Variants in ABCA12 observed in about 807,000 individuals in gnomAD.
The protein encoded by ABCA12 is glucosylceramide transporter ABCA12.
In ABCA12, 156 loss-of-function variants were observed where a neutral mutation model predicts 293.5. The ratio of observed to expected loss-of-function variants is 0.53; its 90% CI spans 0.47 to 0.61. The LOEUF (loss-of-function observed/expected upper bound fraction) is 0.61, where lower values mean the gene tolerates loss of function less well. Among genes scored for constraint, ABCA12 ranks in the 20% least tolerant of loss-of-function variants. The pLI, the probability that ABCA12 is intolerant of heterozygous loss-of-function variation, is 0.00. For missense variants in ABCA12, 2,797 were observed against 3,090.2 expected (o/e 0.91, Z 2.25); for synonymous variants, 1,063 against 1,108.0 (o/e 0.96, Z 0.81).
Position 214,955,542 on chromosome 2 carries a change from G to A in ABCA12, c.6234-181C>T, listed in dbSNP as rs564523907. On this transcript the variant is annotated intron_variant, in intron 42 of 52. Transcript: ENST00000272895. ...ACAGAAAAATATGAAAATCAGCCAG[G>A]TGCGGTGGCACGCACCTGTAGCCCT... Among the ~76,000 whole-genome samples, 74 of 152,316 alleles carry A rather than the reference G, an allele frequency of 4.9e-4. 1 individual carries two copies. The South Asian group carries it at 0.014, about 29-fold the overall frequency.
At chr2:215,071,935 T>TA (rs1428656271) in intron 2 of ABCA12, among the ~76,000 whole-genome samples, 1 of 152,220 alleles carries the variant, frequency 6.6e-6, no homozygotes, top group Admixed American at 6.5e-5. Flanking sequence ...GTGTTTAAAT[T>TA]ACTGTGTGCT....
At chr2:214,975,041 T>G (rs530665685) in intron 34 of ABCA12, among the ~76,000 whole-genome samples, 177 bp from the exon 35 acceptor site, 3 of 152,330 alleles carry the variant, frequency 2.0e-5, no homozygotes, top group Admixed American at 2.0e-4. Context: ...CACGGCTCAA[T>G]GCAACCTCAG....
At chr2:214,970,201 A>C (rs1699355466) in intron 37 of ABCA12, 72 bp downstream of exon 37, 2 of 1,454,520 alleles carry the variant, frequency 1.4e-6, no homozygotes, top group Admixed American at 2.0e-5. Context: ...ATTTGTATCT[A>C]TTGTCTCTTT....
Position 214,966,941 on chromosome 2 carries a change from G to T in ABCA12, c.5791C>A (p.Pro1931Thr). The change falls in exon 39 of 53, where the codon CCA becomes ACA. Residue 1931 changes from proline (P) to threonine (T), a missense_variant. Coordinates refer to ENST00000272895, the MANE Select transcript of ABCA12 (RefSeq NM_173076.3). ...GCTGGAAGGGAGTGATAGCCTTCTG[G>T]ATCATACCATACCTATTAAATTCCA... ...NRTLAKVWYD[P>T]EGYHSLPAYL... is the part of the protein sequence containing the mutation. The T allele has an allele frequency of 6.2e-7, 1 of 1,613,474 alleles. No homozygotes were observed. The highest frequency in any genetic ancestry group is 8.5e-7 in the Non-Finnish European group (1 of 1,179,588).
chr2:215,084,256 G>A (rs968897512), intron 2 of ABCA12, among the ~76,000 whole-genome samples: 1 of 152,048 alleles, frequency 6.6e-6, no homozygotes, highest in African/African-American at 2.4e-5. Context: ...TAAAGTGCTG[G>A]GATTACAGGC....
chr2:214,974,001 C>A lies in ABCA12; in HGVS notation c.5510G>T (p.Ser1837Ile). ...ACCAAAATTAGTGATGGGTTCTCCA[C>A]TGGTGTTCCATTTTTCCAGACTGTC... ...NKDSLEKWNT[S>I]GEPITNFGVC... is the part of the protein sequence containing the mutation. Residue 1837 changes from serine to isoleucine, a missense_variant, in exon 36 of 53, where the codon AGT becomes ATT. Physicochemically the swap from Ser to Ile is moderately radical, Grantham distance 142 (BLOSUM62 -2). This residue lies in a region of ABCA12 where 2,130 missense variants were observed against 2,427.0 expected (regional missense o/e 0.88). Coordinates refer to ENST00000272895, the MANE Select transcript of ABCA12 (RefSeq NM_173076.3). The A allele has an allele frequency of 6.2e-7, 1 of 1,614,028 alleles. No individual in the cohort carries two copies. Among genetic ancestry groups the A allele is most frequent in the Non-Finnish European group, 8.5e-7 (1 of 1,179,950 alleles).
chr2:214,966,786 C>G, intron 39 of ABCA12, 62 bp downstream of exon 39: 1 of 1,482,670 alleles, frequency 6.7e-7, no homozygotes, highest in South Asian at 1.1e-5. Flanking sequence ...ATATAAAGTG[C>G]ATTTTTATAC....
At chr2:214,965,293 A>C (rs185495021) in intron 39 of ABCA12, among the ~76,000 whole-genome samples, 3 of 152,228 alleles carry the variant, frequency 2.0e-5, no homozygotes. Flanking sequence ...AAATCTAGGC[A>C]ATACCATTCG....
intron 39 of ABCA12, chr2:214,963,208 C>A (rs1354844542): frequency 3.9e-5 from 6 of 151,974 alleles, no homozygotes; most frequent in African/African-American, 1.2e-4. Flanking sequence ...GTCAAATAAA[C>A]ACAATGAAAA....
chr2:214,946,634 G>A (rs978634879), intron 48 of ABCA12, among the ~76,000 whole-genome samples: 2 of 152,142 alleles, frequency 1.3e-5, no homozygotes, highest in African/African-American at 2.4e-5. Flanking sequence ...CTGGAATAAT[G>A]TGGTGATTTA....
chr2:214,955,568 G>A (rs1183378513), intron 42 of ABCA12, among the ~76,000 whole-genome samples: 2 of 152,088 alleles, frequency 1.3e-5, no homozygotes, highest in African/African-American at 4.8e-5. Flanking sequence ...CTGTAGCCCT[G>A]GTTATTTGGG....
chr2:214,958,138 C>T (rs1699008028), intron 41 of ABCA12, 139 bp downstream of exon 41: 2 of 1,176,952 alleles, frequency 1.7e-6, no homozygotes, highest in Non-Finnish European at 2.5e-6. Context: ...ATAAGCCTGA[C>T]TCAAGTCATT....
chr2:215,082,525 A>C (rs1176248302), intron 2 of ABCA12: 2 of 152,244 alleles, frequency 1.3e-5, no homozygotes, highest in African/African-American at 2.4e-5. Flanking sequence ...ACAGGGTTCA[A>C]AGGAACATAG....
At chr2:215,134,475 TGTATATATAC>T (rs1703148896) in intron 1 of ABCA12, among the ~76,000 whole-genome samples, 1 of 125,370 alleles carries the variant, frequency 8.0e-6, no homozygotes, top group African/African-American at 3.4e-5. Flanking sequence ...TATGTGTATG[TGTATATATAC>T]GTATATATGC....
intron 51 of ABCA12, among the ~76,000 whole-genome samples, chr2:214,936,217 T>G (rs1698211966): frequency 6.6e-6 from 1 of 152,198 alleles, no homozygotes. Flanking sequence ...TGTGAATCAT[T>G]CCTTTGTCCA....
chr2:215,054,128 A>G (rs1701373530), intron 4 of ABCA12, among the ~76,000 whole-genome samples: 1 of 152,090 alleles, frequency 6.6e-6, no homozygotes, highest in Non-Finnish European at 1.5e-5. Flanking sequence ...AGTCCTTCTA[A>G]TGCCAGCTCT....
intron 8 of ABCA12, among the ~76,000 whole-genome samples, chr2:215,034,487 C>T (rs1249485140): frequency 6.6e-6 from 1 of 152,144 alleles, no homozygotes; most frequent in Non-Finnish European, 1.5e-5. Flanking sequence ...GGATGGGGAG[C>T]CAAGCTCCAT....
intron 39 of ABCA12, among the ~76,000 whole-genome samples, chr2:214,963,807 C>G (rs1288699062): frequency 6.6e-6 from 1 of 150,980 alleles, no homozygotes; most frequent in Non-Finnish European, 1.5e-5. Context: ...GTAATCCCAC[C>G]TACTTGGGAG....
chr2:215,018,741 T>A (rs976752806), intron 13 of ABCA12, among the ~76,000 whole-genome samples: 1 of 152,256 alleles, frequency 6.6e-6, no homozygotes, highest in African/African-American at 2.4e-5. Flanking sequence ...CAGATTGTAA[T>A]AATCATCCTG....
Sources: allele counts gnomAD v4.1 joint callset (sites outside exome capture counted in the v4.1 genomes callset), GRCh38; gene constraint gnomAD v4.1.1; regional missense constraint gnomAD v4.1.1; transcripts MANE v1.5; gene names NCBI Gene and HGNC (gene_info 2026-07-23, HGNC 2026-07-21).